SPEG: variants seen among roughly 807,000 people sequenced by gnomAD.
The protein encoded by SPEG is striated muscle preferentially expressed protein kinase.
In SPEG, 114 loss-of-function variants were observed where a neutral mutation model predicts 300.4. That is an observed-to-expected ratio of 0.38 (90% CI 0.33 to 0.44). SPEG has a LOEUF of 0.44. Ranked by LOEUF, SPEG falls within the 20% of genes least tolerant of loss-of-function variation. The pLI, the probability that SPEG is intolerant of heterozygous loss-of-function variation, is 1.00. For synonymous variants in SPEG, 1,964 were observed against 2,018.9 expected (o/e 0.97, Z 0.73); for missense variants, 4,201 against 4,586.2 (o/e 0.92, Z 2.43).
At position 219,443,558 on chromosome 2, in the gene SPEG, AT is replaced by A. The variant is rs1234541656; in HGVS notation, c.389-1090del. On this transcript the variant is annotated intron_variant, in intron 1 of 40. Transcript: ENST00000312358. The surrounding 1 kb of genome is among the most constrained non-coding windows in gnomAD (Gnocchi z 4.6). ...TTTTCTCCTAACCTAACCACTGGGC[AT>A]TTTTGAGGACGATTCAACAGTAGAA... 2 of 287,522 alleles carry A rather than the reference AT, an allele frequency of 7.0e-6. No individual in the cohort carries two copies. The highest frequency in any genetic ancestry group is 4.4e-5 in the African/African-American group (2 of 45,750). The allele number at this position is 287,522 out of a possible 1,614,324, so 17.8% of individuals were successfully genotyped here. A position where few individuals can be genotyped will look rare whatever the true frequency, so the allele number is the denominator to read the frequency against.
chr2:219,466,930 C>T (rs1488223079), intron 9 of SPEG: 1 of 1,124,992 alleles, frequency 8.9e-7, no homozygotes, highest in East Asian at 3.1e-5. Flanking sequence ...TCAGTTTCCC[C>T]TCCCTCAGTT....
chr2:219,481,522 C>T lies in SPEG; in HGVS notation c.5522+66C>T. 1 of 1,606,016 alleles carries T rather than the reference C, an allele frequency of 6.2e-7. No individual in the cohort carries two copies. The highest frequency in any genetic ancestry group is 8.5e-7 in the Non-Finnish European group (1 of 1,173,990). ...CCTCATACCACCTGCCTGCTACTCC[C>T]AAACTCCTGCCCCTCGACATGCAAG... On this transcript the variant is annotated intron_variant, in intron 27 of 40. Coordinates refer to ENST00000312358, the MANE Select transcript of SPEG (RefSeq NM_005876.5). This position sits in a 1 kb window ranked among gnomAD's most constrained non-coding sequence, Gnocchi z 5.4.
chr2:219,474,783 G>A (rs1187219848), intron 18 of SPEG, among the ~76,000 whole-genome samples: 1 of 148,534 alleles, frequency 6.7e-6, no homozygotes, highest in Admixed American at 6.8e-5. Context: ...AATGTTTGCA[G>A]CAGCAAGGAT....
Position 219,488,413 on chromosome 2 carries a change from G to A in SPEG, c.7859-85G>A. On this transcript the variant is annotated intron_variant, in intron 32 of 40. Coordinates refer to ENST00000312358, the MANE Select transcript of SPEG (RefSeq NM_005876.5). ...GAGTGGGGACTGAGCACGGTTAGGG[G>A]GGATGCTGGAGTGGGGAGTGAGTGA... 4.0e-6 allele frequency: 6 copies of A among 1,504,120 alleles called. No individual in the cohort carries two copies. In the Middle Eastern group the frequency reaches 7.1e-4, roughly 178 times the overall value. 93.2% of individuals were successfully genotyped at this position (1,504,120 alleles called of 1,614,324 possible). A position where few individuals can be genotyped will look rare whatever the true frequency, so the allele number is the denominator to read the frequency against.
chr2:219,453,458 C>G (rs1689927326), intron 6 of SPEG, among the ~76,000 whole-genome samples: 1 of 152,322 alleles, frequency 6.6e-6, no homozygotes, highest in South Asian at 2.1e-4. Flanking sequence ...TGTAGAAGAG[C>G]TCAGGTTTCT....
chr2:219,471,967 A>G lies in SPEG; in HGVS notation c.3815A>G (p.Tyr1272Cys). 2 of 1,613,192 alleles carry G rather than the reference A, an allele frequency of 1.2e-6. No homozygotes were observed. The highest frequency in any genetic ancestry group is 1.7e-6 in the Non-Finnish European group (2 of 1,179,954). ...IANKLGKAAC[Y>C]AHLYVTDVVP... is the part of the protein sequence containing the mutation. ...AACAAGCTGGGCAAAGCTGCCTGCTATGCCCACCTGTATGTCACAGGTGAG... is the reference window on the plus strand; with the variant it reads ...AACAAGCTGGGCAAAGCTGCCTGCTGTGCCCACCTGTATGTCACAGGTGAG... Residue 1272 changes from tyrosine to cysteine, a missense_variant, in exon 14 of 41, where the codon TAT becomes TGT. Tyr to Cys is a radical substitution (Grantham distance 194, BLOSUM62 -2). This residue lies in a region of SPEG where 1,047 missense variants were observed against 1,356.8 expected (regional missense o/e 0.77). Coordinates refer to ENST00000312358, the MANE Select transcript of SPEG (RefSeq NM_005876.5).
At chr2:219,442,191 G>C in intron 1 of SPEG, 4 of 703,516 alleles carry the variant, frequency 5.7e-6, no homozygotes, top group Non-Finnish European at 7.6e-6. Flanking sequence ...GCGCTGGATC[G>C]GCGCCTGCCC....
Position 219,469,235 on chromosome 2 carries a change from C to T in SPEG, c.3571C>T (p.Leu1191=), listed in dbSNP as rs971734855. 5.6e-6 allele frequency: 9 copies of T among 1,613,838 alleles called. No homozygotes were observed. The highest frequency in any genetic ancestry group is 1.3e-5 in the African/African-American group (1 of 75,048). Residue 1191 remains leucine (L), a synonymous_variant, in exon 13 of 41, where the codon CTG becomes TTG. Transcript: ENST00000312358. The stretch of plus-strand genomic sequence containing the variant: ...GGAGCGGCTGTCCATTCCTGACTTC[C>T]TGCGGCCACTGCAGGACCTGGAGGT... ...ELERLSIPDF[L]RPLQDLEVGL...
chr2:219,471,599 A>T (rs1021732027), intron 13 of SPEG: 24 of 498,014 alleles, frequency 4.8e-5, no homozygotes, highest in African/African-American at 4.5e-4. Context: ...GGAAGAGAAG[A>T]TGATAAGTTG....
At chr2:219,447,622 C>T (rs542133941) in intron 3 of SPEG, among the ~76,000 whole-genome samples, 4 of 147,772 alleles carry the variant, frequency 2.7e-5, no homozygotes, top group Non-Finnish European at 3.0e-5. Context: ...CTCCCCACTT[C>T]ATCCTTTGGG....
chr2:219,448,861 C>G lies in SPEG; in HGVS notation c.1703C>G (p.Pro568Arg), dbSNP rs1689520587. 1 of 1,403,936 alleles carries G rather than the reference C, an allele frequency of 7.1e-7. No individual in the cohort carries two copies. 87.0% of individuals were successfully genotyped at this position (1,403,936 alleles called of 1,614,324 possible). ...AGCGCGGAGAAGCCGGGGGACGAGC[C>G]TGGGAGGCCCAGGAGCCGCGGGCCG... ...PSSAEKPGDE[P>R]GRPRSRGPAG... The change falls in exon 4 of 41, where the codon CCT becomes CGT. Residue 568 changes from proline to arginine, a missense_variant. Physicochemically the swap from Pro to Arg is moderately radical, Grantham distance 103. Coordinates refer to ENST00000312358, the MANE Select transcript of SPEG (RefSeq NM_005876.5).
At position 219,483,090 on chromosome 2, in the gene SPEG, G is replaced by C. The variant is rs1376447332; in HGVS notation, c.5635-8G>C. ...CCCTCAGGTCTGACTCCAGTACCCT[G>C]TCTCCAGCGCTCCCAGATCAGCTAC... is the stretch of plus-strand genomic sequence containing the variant. On this transcript the variant is annotated splice_region_variant and splice_polypyrimidine_tract_variant and intron_variant, in intron 29 of 40. Transcript: ENST00000312358. The C allele has an allele frequency of 1.9e-6, 3 of 1,602,880 alleles. No homozygotes were observed. Among genetic ancestry groups the C allele is most frequent in the Non-Finnish European group, 8.5e-7 (1 of 1,177,752 alleles).
chr2:219,484,991 C>T lies in SPEG; in HGVS notation c.7528C>T (p.Gln2510Ter), dbSNP rs1194084211. ...SLRRLGLPHNQLAAQAGATTP... is the reference protein window; with the variant it reads ...SLRRLGLPHN ...GCGGCGCCTTGGCCTTCCGCACAAC[C>T]AGTTGGCCGCCCAGGCCGGCGCCAC... Residue 2510 changes from glutamine (Q) to a stop codon, truncating the protein, a stop_gained, in exon 30 of 41, where the codon CAG becomes TAG. Transcript: ENST00000312358. LOFTEE classifies it high-confidence loss of function. 1 of 1,531,216 alleles carries T rather than the reference C, an allele frequency of 6.5e-7. No homozygotes were observed. Among genetic ancestry groups the T allele is most frequent in the Admixed American group, 2.0e-5 (1 of 50,850 alleles). 94.9% of individuals were successfully genotyped at this position (1,531,216 alleles called of 1,614,324 possible). A position where few individuals can be genotyped will look rare whatever the true frequency, so the allele number is the denominator to read the frequency against.
chr2:219,489,178 C>G lies in SPEG; in HGVS notation c.8274C>G (p.Pro2758=). 6.2e-7 allele frequency: 1 copy of G among 1,613,988 alleles called. No homozygotes were observed. Among genetic ancestry groups the G allele is most frequent in the South Asian group, 1.1e-5 (1 of 91,084 alleles). Residue 2758 remains proline (P), a synonymous_variant, in exon 35 of 41, where the codon CCC becomes CCG. Coordinates refer to ENST00000312358, the MANE Select transcript of SPEG (RefSeq NM_005876.5). ...VACANRAGQG[P]FSNSSEKVFV... is the part of the protein sequence containing the mutation. The stretch of plus-strand genomic sequence containing the variant: ...GTGCCAACCGTGCTGGGCAGGGGCC[C>G]TTCAGCAACTCTTCTGAGAAGGTCT...
At position 219,469,097 on chromosome 2, in the gene SPEG, C is replaced by G. The variant is rs759045767; in HGVS notation, c.3491+49C>G. Reference sequence around the variant, plus strand: ...GCTGGGGCTGCCTGTGAGGGGCCAGCCCAGCCCTGGGGTGGGAGGCACGGC... The same window carrying G: ...GCTGGGGCTGCCTGTGAGGGGCCAGGCCAGCCCTGGGGTGGGAGGCACGGC... On this transcript the variant is annotated intron_variant, in intron 12 of 40. Coordinates refer to ENST00000312358, the MANE Select transcript of SPEG (RefSeq NM_005876.5). 8 of 1,608,708 alleles carry G rather than the reference C, an allele frequency of 5.0e-6. No individual in the cohort carries two copies. The Admixed American group carries it at 1.3e-4, about 27-fold the overall frequency.
At chr2:219,466,290 A>G in intron 9 of SPEG, 1 of 1,422,496 alleles carries the variant, frequency 7.0e-7, no homozygotes, top group Non-Finnish European at 9.1e-7. Context: ...TGTGCAGGCC[A>G]GGAGGCCCAC....
At chr2:219,466,914 G>A in intron 9 of SPEG, 5 of 1,185,508 alleles carry the variant, frequency 4.2e-6, no homozygotes, top group Non-Finnish European at 5.3e-6. Flanking sequence ...CCACCACGTG[G>A]CCCTCTCAGT....
chr2:219,487,825 A>G (rs1693583686), intron 31 of SPEG, among the ~76,000 whole-genome samples: 2 of 152,190 alleles, frequency 1.3e-5, no homozygotes, highest in Non-Finnish European at 2.9e-5. Context: ...GTCTTGCAGG[A>G]TCTTAACCAT....
Position 219,490,912 on chromosome 2 carries a change from C to T in SPEG, c.9341C>T (p.Ala3114Val), listed in dbSNP as rs776316610. ...AGTGCCCAGCCCTACAACCCCCAGG[C>T]CCTTAGGCCCCTTGGCCACCGCACG... ...FGSAQPYNPQALRPLGHRTGT... is the reference protein window; with the variant it reads ...FGSAQPYNPQVLRPLGHRTGT... The change falls in exon 38 of 41, where the codon GCC (alanine) becomes GTC (valine). Residue 3114 changes from alanine (A) to valine (V), a missense_variant. Ala to Val is a moderately conservative substitution (Grantham distance 64, BLOSUM62 0). This residue lies in a region of SPEG where 318 missense variants were observed against 429.5 expected (regional missense o/e 0.74). Transcript: ENST00000312358. 6.2e-7 allele frequency: 1 copy of T among 1,613,672 alleles called. No homozygotes were observed. Among genetic ancestry groups the T allele is most frequent in the Non-Finnish European group, 8.5e-7 (1 of 1,180,004 alleles).
Sources: allele counts gnomAD v4.1 joint callset (sites outside exome capture counted in the v4.1 genomes callset), GRCh38; gene constraint gnomAD v4.1.1; regional missense constraint gnomAD v4.1.1; non-coding constraint Gnocchi (gnomAD v3.1); transcripts MANE v1.5; gene names NCBI Gene and HGNC (gene_info 2026-07-23, HGNC 2026-07-21).